UBE2E3: variants seen among roughly 807,000 people sequenced by gnomAD.
The protein encoded by UBE2E3 is ubiquitin conjugating enzyme E2 E3, also known as ubiquitin-conjugating enzyme E2 E3.
A neutral mutation model predicts 23.6 loss-of-function variants in UBE2E3; 5 were observed. The observed-to-expected ratio is 0.21, with a 90% CI of 0.11 to 0.44. The LOEUF (loss-of-function observed/expected upper bound fraction) is 0.44, where lower values mean the gene tolerates loss of function less well. Among genes scored for constraint, UBE2E3 ranks in the 20% least tolerant of loss-of-function variants. UBE2E3 has a pLI of 0.99. For missense variants in UBE2E3, 81 were observed against 249.8 expected (o/e 0.32, Z 4.55); for synonymous variants, 78 against 87.5 (o/e 0.89, Z 0.60).
At chr2:181,058,829 T>C (rs1295465022) in intron 4 of UBE2E3, among the ~76,000 whole-genome samples, 1 of 151,760 alleles carries the variant, frequency 6.6e-6, no homozygotes, top group Non-Finnish European at 1.5e-5. Flanking sequence ...TCTAGTGGTA[T>C]TTACCCCAAA....
At chr2:181,004,217 A>T (rs1290859724) in intron 3 of UBE2E3, among the ~76,000 whole-genome samples, 1 of 152,268 alleles carries the variant, frequency 6.6e-6, no homozygotes, top group African/African-American at 2.4e-5. Context: ...CAGAAATTAT[A>T]ATTTTTAGAG....
intron 3 of UBE2E3, among the ~76,000 whole-genome samples, chr2:180,990,330 A>G (rs1684618309): frequency 6.6e-6 from 1 of 152,234 alleles, no homozygotes; most frequent in Non-Finnish European, 1.5e-5. Context: ...ATAAAGAATT[A>G]TCTGGGCCAA....
At chr2:181,031,496 C>T (rs1004803503) in intron 3 of UBE2E3, among the ~76,000 whole-genome samples, 1 of 152,042 alleles carries the variant, frequency 6.6e-6, no homozygotes, top group Non-Finnish European at 1.5e-5. Context: ...TAAAGTACCA[C>T]ATTACTCTGT....
chr2:181,021,136 C>T (rs745768669), intron 3 of UBE2E3, among the ~76,000 whole-genome samples: 5 of 152,094 alleles, frequency 3.3e-5, no homozygotes, highest in East Asian at 1.9e-4. Flanking sequence ...TACCAGTCTT[C>T]GTGGGCTTTC....
At chr2:181,006,932 A>G (rs188151380) in intron 3 of UBE2E3, among the ~76,000 whole-genome samples, 30 of 152,238 alleles carry the variant, frequency 2.0e-4, no homozygotes, top group Non-Finnish European at 4.1e-4. Context: ...AAAGCCATGC[A>G]GAATTTATAA....
chr2:181,026,028 T>C (rs1685871380), intron 3 of UBE2E3, among the ~76,000 whole-genome samples: 2 of 151,918 alleles, frequency 1.3e-5, no homozygotes, highest in Admixed American at 1.3e-4. Context: ...AGAAGCAATT[T>C]GATCTCATTT....
chr2:181,021,319 A>G (rs1685661892), intron 3 of UBE2E3, among the ~76,000 whole-genome samples: 1 of 150,702 alleles, frequency 6.6e-6, no homozygotes, highest in South Asian at 2.1e-4. Flanking sequence ...TTGATTATCC[A>G]GATAACCTCA....
intron 3 of UBE2E3, among the ~76,000 whole-genome samples, chr2:181,015,438 C>T (rs568166182): frequency 1.4e-3 from 215 of 152,016 alleles, no homozygotes; most frequent in Non-Finnish European, 2.8e-3. Flanking sequence ...GATGATAGTA[C>T]TTAATGATTT....
At chr2:180,988,519 GTAA>G (rs981185645) in intron 3 of UBE2E3, among the ~76,000 whole-genome samples, 3 of 152,104 alleles carry the variant, frequency 2.0e-5, no homozygotes, top group Admixed American at 6.5e-5. Flanking sequence ...TTTTAGATGA[GTAA>G]TGATTATATT....
At chr2:180,993,768 C>T (rs778452759) in intron 3 of UBE2E3, among the ~76,000 whole-genome samples, 2 of 152,140 alleles carry the variant, frequency 1.3e-5, no homozygotes, top group African/African-American at 4.8e-5. Flanking sequence ...CGAAGAGAAT[C>T]GATCTCAGAA....
chr2:181,034,076 G>T (rs1265567612), intron 3 of UBE2E3, among the ~76,000 whole-genome samples: 1 of 152,186 alleles, frequency 6.6e-6, no homozygotes, highest in Non-Finnish European at 1.5e-5. Context: ...TACACTGTTG[G>T]TGGGACTGTA....
At chr2:180,990,089 T>C (rs1331342749) in intron 3 of UBE2E3, 3 of 1,088,102 alleles carry the variant, frequency 2.8e-6, no homozygotes, top group Non-Finnish European at 3.8e-6. Flanking sequence ...ATCTGGAAGC[T>C]GAAACATCTT....
chr2:180,994,882 C>T (rs1289456545), intron 3 of UBE2E3, among the ~76,000 whole-genome samples: 2 of 152,162 alleles, frequency 1.3e-5, no homozygotes, highest in African/African-American at 4.8e-5. Flanking sequence ...TTTATCAAAA[C>T]TTACACAGTC....
At chr2:180,992,657 GACTA>G (rs1196846312) in intron 3 of UBE2E3, among the ~76,000 whole-genome samples, 1 of 151,584 alleles carries the variant, frequency 6.6e-6, no homozygotes, top group Admixed American at 6.6e-5. Context: ...CACCATGCCT[GACTA>G]ACTTTTTTTT....
chr2:181,000,057 T>G (rs1358409382), intron 3 of UBE2E3, among the ~76,000 whole-genome samples: 1 of 152,202 alleles, frequency 6.6e-6, no homozygotes, highest in Non-Finnish European at 1.5e-5. Flanking sequence ...GTTTGGTGAT[T>G]GTTTTGTGTT....
At chr2:181,026,593 T>C (rs1401131) in intron 3 of UBE2E3, among the ~76,000 whole-genome samples, 35,111 of 151,410 alleles carry the variant, frequency 0.23, 4,437 homozygotes, top group Non-Finnish European at 0.28. Context: ...GTGAAAGCTG[T>C]ATATAATGGG....
At chr2:180,983,954 A>G (rs1684378604) in intron 2 of UBE2E3, 89 bp from the exon 3 acceptor site, 3 of 1,025,734 alleles carry the variant, frequency 2.9e-6, no homozygotes, top group African/African-American at 1.6e-5. Flanking sequence ...CCTTGCATTT[A>G]ACTGCATGGT....
intron 3 of UBE2E3, among the ~76,000 whole-genome samples, chr2:181,025,370 A>G (rs191221197): frequency 2.7e-5 from 4 of 149,100 alleles, no homozygotes; most frequent in Admixed American, 2.0e-4. Context: ...TCACAGTGTC[A>G]TAACATTGAT....
intron 3 of UBE2E3, among the ~76,000 whole-genome samples, chr2:181,035,617 T>C (rs1292147450): frequency 6.6e-6 from 1 of 152,208 alleles, no homozygotes; most frequent in Non-Finnish European, 1.5e-5. Context: ...GTGGGTCACA[T>C]GCGTCCCAGG....
Sources: allele counts gnomAD v4.1 joint callset (sites outside exome capture counted in the v4.1 genomes callset), GRCh38; gene constraint gnomAD v4.1.1; transcripts MANE v1.5; gene names NCBI Gene and HGNC (gene_info 2026-07-23, HGNC 2026-07-21).